Variants in MSH4 observed in about 807,000 individuals in gnomAD.
MSH4 encodes the protein mutS protein homolog 4.
A neutral mutation model predicts 113.7 loss-of-function variants in MSH4; 106 were observed. That is an observed-to-expected ratio of 0.93 (90% CI 0.80 to 1.10). The LOEUF is 1.10. Among genes scored for constraint, MSH4 ranks in the 50% least tolerant of loss-of-function variants. MSH4 has a pLI of 0.00. For synonymous variants in MSH4, 368 were observed against 380.2 expected (o/e 0.97, Z 0.37); for missense variants, 1,061 against 1,093.7 (o/e 0.97, Z 0.42).
chr1:75,912,654 A>C, intron 19 of MSH4, 42 bp from the exon 20 acceptor site: 6 of 1,175,802 alleles, frequency 5.1e-6, no homozygotes, highest in South Asian at 2.3e-5. Flanking sequence ...AAATTATGGT[A>C]TTTGTGTATA....
chr1:75,836,021 C>T (rs1032012424), intron 7 of MSH4, among the ~76,000 whole-genome samples: 7 of 152,124 alleles, frequency 4.6e-5, no homozygotes, highest in African/African-American at 1.2e-4. Flanking sequence ...GCTGTTAGAG[C>T]GCTTTGTTCT....
chr1:75,823,677 C>G (rs1650480606), intron 7 of MSH4, among the ~76,000 whole-genome samples: 1 of 152,106 alleles, frequency 6.6e-6, no homozygotes, highest in South Asian at 2.1e-4. Flanking sequence ...CTCCCTGTGC[C>G]CATGTGTTCT....
At chr1:75,830,454 T>A (rs1389219635) in intron 7 of MSH4, among the ~76,000 whole-genome samples, 1 of 152,006 alleles carries the variant, frequency 6.6e-6, no homozygotes, top group African/African-American at 2.4e-5. Context: ...GCAAAGATAC[T>A]CCTCAAGAAG....
At chr1:75,813,097 A>C (rs1650222773) in intron 4 of MSH4, among the ~76,000 whole-genome samples, 2 of 152,186 alleles carry the variant, frequency 1.3e-5, no homozygotes, top group African/African-American at 4.8e-5. Flanking sequence ...TAATGGCTCA[A>C]GGCTGATGTC....
At position 75,880,169 on chromosome 1, in the gene MSH4, G is replaced by A. The variant is rs1651900329; in HGVS notation, c.1781+16G>A. On this transcript the variant is annotated intron_variant, in intron 13 of 19. Coordinates refer to ENST00000263187, the MANE Select transcript of MSH4 (RefSeq NM_002440.4). ...TGACTTATATGTAAGAGCATTTGAA[G>A]TATTTGAATATTGAATTAAATTGGT... 1 of 1,312,732 alleles carries A rather than the reference G, an allele frequency of 7.6e-7. No individual in the cohort carries two copies. The highest frequency in any genetic ancestry group is 1.1e-6 in the Non-Finnish European group (1 of 936,930). 81.3% of individuals were successfully genotyped at this position (1,312,732 alleles called of 1,614,324 possible). A position where few individuals can be genotyped will look rare whatever the true frequency, so the allele number is the denominator to read the frequency against.
intron 7 of MSH4, among the ~76,000 whole-genome samples, chr1:75,828,889 C>T (rs1650617564): frequency 6.6e-6 from 1 of 152,184 alleles, no homozygotes; most frequent in Non-Finnish European, 1.5e-5. Flanking sequence ...ATGAGCAACA[C>T]AGAAGACGGG....
chr1:75,881,385 T>C lies in MSH4; in HGVS notation c.1906+15T>C, dbSNP rs1651929176. 6.2e-7 allele frequency: 1 copy of C among 1,608,542 alleles called. No individual in the cohort carries two copies. The highest frequency in any genetic ancestry group is 1.3e-5 in the African/African-American group (1 of 74,910). ...TTCTGACTATGGTAAGTTGCTTTCT[T>C]TGGAATAAACATATTGCATAGTTAA... On this transcript the variant is annotated intron_variant, in intron 14 of 19. Coordinates refer to ENST00000263187, the MANE Select transcript of MSH4 (RefSeq NM_002440.4).
At chr1:75,902,337 A>G (rs1215214515) in intron 19 of MSH4, among the ~76,000 whole-genome samples, 1 of 151,818 alleles carries the variant, frequency 6.6e-6, no homozygotes, top group Non-Finnish European at 1.5e-5. Context: ...CCAATAGGTA[A>G]TTTTTAACCC....
intron 6 of MSH4, among the ~76,000 whole-genome samples, chr1:75,820,585 A>G (rs1054814919): frequency 6.6e-6 from 1 of 152,184 alleles, no homozygotes; most frequent in Non-Finnish European, 1.5e-5. Context: ...CATTTCTTCT[A>G]GATTTTCTAG....
chr1:75,870,736 T>G (rs776467517), intron 9 of MSH4, among the ~76,000 whole-genome samples: 5 of 152,182 alleles, frequency 3.3e-5, no homozygotes, highest in Non-Finnish European at 5.9e-5. Flanking sequence ...CCTTTTTCCT[T>G]TATAAATTAC....
In MSH4 at chr1:75,822,596, T is replaced by A; in HGVS notation, c.1162+15T>A. On this transcript the variant is annotated intron_variant, in intron 7 of 19. Transcript: ENST00000263187. ...ACTTCAATCAGGTAAATCAATATTA[T>A]TTAATATTATAAATACAAATTATTG... The A allele has an allele frequency of 3.9e-6, 5 of 1,283,056 alleles. No individual in the cohort carries two copies. The highest frequency in any genetic ancestry group is 3.2e-6 in the Non-Finnish European group (3 of 951,794). 79.5% of individuals were successfully genotyped at this position (1,283,056 alleles called of 1,614,324 possible).
chr1:75,797,939 G>T (rs1445927791), intron 1 of MSH4, among the ~76,000 whole-genome samples: 1 of 152,128 alleles, frequency 6.6e-6, no homozygotes, highest in East Asian at 1.9e-4. Flanking sequence ...GTGAGACCCT[G>T]ACTCAAAACA....
intron 16 of MSH4, 87 bp from the exon 17 acceptor site, chr1:75,890,608 TA>T (rs1377034581): frequency 6.2e-6 from 4 of 642,406 alleles, no homozygotes; most frequent in Non-Finnish European, 1.0e-5. Context: ...GATGAACTTA[TA>T]AAGAGACTGG....
intron 15 of MSH4, 49 bp downstream of exon 15, chr1:75,883,870 A>G: frequency 6.6e-7 from 1 of 1,517,702 alleles, no homozygotes. Context: ...TCTTTTCAGA[A>G]TGCTTTGTGC....
intron 7 of MSH4, among the ~76,000 whole-genome samples, chr1:75,844,070 C>G (rs1444057165): frequency 6.6e-6 from 1 of 152,140 alleles, no homozygotes; most frequent in African/African-American, 2.4e-5. Flanking sequence ...CTCGGCCTCC[C>G]AAAGTGCTGG....
intron 17 of MSH4, among the ~76,000 whole-genome samples, 174 bp downstream of exon 17, chr1:75,890,998 T>A (rs1170717014): frequency 6.6e-6 from 1 of 152,192 alleles, no homozygotes; most frequent in Non-Finnish European, 1.5e-5. Context: ...GAATCATTAG[T>A]TTGATAACCA....
At chr1:75,877,294 CA>C (rs1179095610) in intron 10 of MSH4, among the ~76,000 whole-genome samples, 2 of 151,942 alleles carry the variant, frequency 1.3e-5, no homozygotes, top group Admixed American at 1.3e-4. Flanking sequence ...GAAAGACTTG[CA>C]AATAATAAAA....
At chr1:75,836,544 A>G (rs1314446683) in intron 7 of MSH4, among the ~76,000 whole-genome samples, 1 of 152,122 alleles carries the variant, frequency 6.6e-6, no homozygotes, top group South Asian at 2.1e-4. Context: ...TTACTGGCAC[A>G]TAAATCCTTG....
chr1:75,884,805 G>A (rs185341916), intron 15 of MSH4, among the ~76,000 whole-genome samples: 1 of 151,874 alleles, frequency 6.6e-6, no homozygotes, highest in Admixed American at 6.6e-5. Flanking sequence ...AGACAAATGA[G>A]TTAATGAAGA....
Sources: allele counts gnomAD v4.1 joint callset (sites outside exome capture counted in the v4.1 genomes callset), GRCh38; gene constraint gnomAD v4.1.1; transcripts MANE v1.5; gene names NCBI Gene and HGNC (gene_info 2026-07-23, HGNC 2026-07-21).